The following KCNQ1OT1 variants were observed in gnomAD, a reference collection of about 807,000 sequenced individuals.
KCNQ1OT1 encodes KCNQ1 opposite strand/antisense transcript 1.
exon 1 of KCNQ1OT1, chr11:2,615,291 C>G: frequency 2.5e-6 from 1 of 398,070 alleles, no homozygotes; most frequent in Non-Finnish European, 4.4e-6. Flanking sequence ...ATTAGCTCTA[C>G]TAGTTTGTGG....
Position 2,682,256 on chromosome 11 carries a change from A to C in KCNQ1OT1, n.17739T>G. 2.5e-6 allele frequency: 1 copy of C among 398,544 alleles called. No individual in the cohort carries two copies. 24.7% of individuals were successfully genotyped at this position (398,544 alleles called of 1,614,324 possible). A position where few individuals can be genotyped will look rare whatever the true frequency, so the allele number is the denominator to read the frequency against. On this transcript the variant is annotated non_coding_transcript_exon_variant, in exon 1 of 1. Transcript: ENST00000597346. The surrounding 1 kb of genome is among the most constrained non-coding windows in gnomAD (Gnocchi z 5.8). ...GAAATGTCCCTTCCTCAGAGGAGCC[A>C]ATTTCTAAAGCTTAAGACTGGGCTG...
chr11:2,655,352 C>T, exon 1 of KCNQ1OT1: 1 of 398,654 alleles, frequency 2.5e-6, no homozygotes. Flanking sequence ...ATTAAAGCAT[C>T]AAAAACCAGG....
In KCNQ1OT1 at chr11:2,609,900, T is replaced by A. The variant is rs558277563; in HGVS notation, n.90095A>T. 8.0e-5 allele frequency: 32 copies of A among 398,130 alleles called. No homozygotes were observed. The Admixed American group carries it at 1.4e-3, about 17-fold the overall frequency. The allele number at this position is 398,130 out of a possible 1,614,324, so 24.7% of individuals were successfully genotyped here. On this transcript the variant is annotated non_coding_transcript_exon_variant, in exon 1 of 1. Coordinates refer to ENST00000597346, the Ensembl canonical transcript of KCNQ1OT1. Reference sequence around the variant, plus strand: ...CCATCCTTTTACTTTCAGTTGGCATTTATCATCTAAAGTGTGCCTCATATA... The same window carrying A: ...CCATCCTTTTACTTTCAGTTGGCATATATCATCTAAAGTGTGCCTCATATA...
chr11:2,632,098 G>A (rs1298326744), exon 1 of KCNQ1OT1: 3 of 395,810 alleles, frequency 7.6e-6, no homozygotes, highest in Non-Finnish European at 1.3e-5. Flanking sequence ...CAGGAGAATG[G>A]CGTGAACTCG....
Position 2,651,784 on chromosome 11 carries a change from T to A in KCNQ1OT1, n.48211A>T, listed in dbSNP as rs1458581378. The A allele has an allele frequency of 2.5e-6, 1 of 398,556 alleles. No individual in the cohort carries two copies. The highest frequency in any genetic ancestry group is 4.4e-6 in the Non-Finnish European group (1 of 226,102). 24.7% of individuals were successfully genotyped at this position (398,556 alleles called of 1,614,324 possible). A position where few individuals can be genotyped will look rare whatever the true frequency, so the allele number is the denominator to read the frequency against. On this transcript the variant is annotated non_coding_transcript_exon_variant, in exon 1 of 1. Transcript: ENST00000597346. The surrounding 1 kb of genome is among the most constrained non-coding windows in gnomAD (Gnocchi z 6.1). The stretch of plus-strand genomic sequence containing the variant: ...CTCAAGTGTTGACCATTTTGATTCC[T>A]GGGCCCCTTAAGAGTCCATTAGCAT...
exon 1 of KCNQ1OT1, chr11:2,632,636 A>C (rs1849379572): frequency 2.5e-6 from 1 of 398,392 alleles, no homozygotes; most frequent in Non-Finnish European, 4.4e-6. Context: ...TAGCATATTC[A>C]TCAACTCAAA....
In KCNQ1OT1 at chr11:2,647,509, C is replaced by T. The variant is rs1431949894; in HGVS notation, n.52486G>A. The stretch of plus-strand genomic sequence containing the variant: ...GGTTTTGGTATCAAGATACTGCTTG[C>T]CTCACAGAATGAGTTAGGGAGAATT... On this transcript the variant is annotated non_coding_transcript_exon_variant, in exon 1 of 1. Transcript: ENST00000597346. This position sits in a 1 kb window ranked among gnomAD's most constrained non-coding sequence, Gnocchi z 4.0. 1 of 398,374 alleles carries T rather than the reference C, an allele frequency of 2.5e-6. No individual in the cohort carries two copies. The highest frequency in any genetic ancestry group is 2.1e-5 in the African/African-American group (1 of 48,594). The allele number at this position is 398,374 out of a possible 1,614,324, so 24.7% of individuals were successfully genotyped here.
exon 1 of KCNQ1OT1, chr11:2,693,359 G>A: frequency 2.5e-6 from 1 of 398,722 alleles, no homozygotes; most frequent in Non-Finnish European, 4.4e-6. Flanking sequence ...CTGGGTGGGG[G>A]CCGAGTCTGG....
Position 2,621,206 on chromosome 11 carries a change from G to C in KCNQ1OT1, n.78789C>G, listed in dbSNP as rs1051642637. 4 of 397,556 alleles carry C rather than the reference G, an allele frequency of 1.0e-5. No individual in the cohort carries two copies. The highest frequency in any genetic ancestry group is 8.2e-5 in the African/African-American group (4 of 48,562). 24.6% of individuals were successfully genotyped at this position (397,556 alleles called of 1,614,324 possible). A position where few individuals can be genotyped will look rare whatever the true frequency, so the allele number is the denominator to read the frequency against. On this transcript the variant is annotated non_coding_transcript_exon_variant, in exon 1 of 1. Coordinates refer to ENST00000597346, the Ensembl canonical transcript of KCNQ1OT1. This position sits in a 1 kb window ranked among gnomAD's most constrained non-coding sequence, Gnocchi z 5.7. Reference sequence around the variant, plus strand: ...TTGGCCAGGATGGTCTCGAATACCTGACCCCAGATGATCCACGCACCTCAG... The same window carrying C: ...TTGGCCAGGATGGTCTCGAATACCTCACCCCAGATGATCCACGCACCTCAG...
Position 2,674,351 on chromosome 11 carries a change from C to T in KCNQ1OT1, n.25644G>A. 2.5e-6 allele frequency: 1 copy of T among 397,788 alleles called. No homozygotes were observed. Among genetic ancestry groups the T allele is most frequent in the East Asian group, 3.6e-5 (1 of 27,968 alleles). The allele number at this position is 397,788 out of a possible 1,614,324, so 24.6% of individuals were successfully genotyped here. ...CCTCTGGAAATCTGAATTCCATTCGCTCTTGGCAAAGAGCAGCTTCCTGCT... is the reference window on the plus strand; with the variant it reads ...CCTCTGGAAATCTGAATTCCATTCGTTCTTGGCAAAGAGCAGCTTCCTGCT... On this transcript the variant is annotated non_coding_transcript_exon_variant, in exon 1 of 1. Coordinates refer to ENST00000597346, the Ensembl canonical transcript of KCNQ1OT1. The surrounding 1 kb of genome is among the most constrained non-coding windows in gnomAD (Gnocchi z 5.9).
chr11:2,657,884 G>A lies in KCNQ1OT1; in HGVS notation n.42111C>T, dbSNP rs1469348310. 3 of 398,496 alleles carry A rather than the reference G, an allele frequency of 7.5e-6. No homozygotes were observed. The East Asian group carries it at 1.1e-4, about 14-fold the overall frequency. The allele number at this position is 398,496 out of a possible 1,614,324, so 24.7% of individuals were successfully genotyped here. On this transcript the variant is annotated non_coding_transcript_exon_variant, in exon 1 of 1. Coordinates refer to ENST00000597346, the Ensembl canonical transcript of KCNQ1OT1. The surrounding 1 kb of genome is among the most constrained non-coding windows in gnomAD (Gnocchi z 4.8). ...GGTTTAGGGGAAGGAGGCCAGTGAGGTGAGATGCTTTCCTCATTGTGGAAC... is the reference window on the plus strand; with the variant it reads ...GGTTTAGGGGAAGGAGGCCAGTGAGATGAGATGCTTTCCTCATTGTGGAAC...
chr11:2,623,659 G>C lies in KCNQ1OT1; in HGVS notation n.76336C>G, dbSNP rs1336392469. Reference sequence around the variant, plus strand: ...TGCCTGGATGTACTACAGTTTATCTGTCTACTCACCTATGGAAGGACATCT... The same window carrying C: ...TGCCTGGATGTACTACAGTTTATCTCTCTACTCACCTATGGAAGGACATCT... On this transcript the variant is annotated non_coding_transcript_exon_variant, in exon 1 of 1. Transcript: ENST00000597346. The surrounding 1 kb of genome is among the most constrained non-coding windows in gnomAD (Gnocchi z 5.2). The C allele has an allele frequency of 2.5e-6, 1 of 398,140 alleles. No individual in the cohort carries two copies. The highest frequency in any genetic ancestry group is 2.1e-5 in the African/African-American group (1 of 48,520). The allele number at this position is 398,140 out of a possible 1,614,324, so 24.7% of individuals were successfully genotyped here.
rs1046706994 is a variant in KCNQ1OT1 at position 2,683,750 on chromosome 11, C to T, written n.16245G>A. The T allele has an allele frequency of 3.8e-5, 15 of 398,500 alleles. 1 individual carries two copies. The highest frequency in any genetic ancestry group is 1.3e-4 in the Admixed American group (3 of 22,706). The allele number at this position is 398,500 out of a possible 1,614,324, so 24.7% of individuals were successfully genotyped here. On this transcript the variant is annotated non_coding_transcript_exon_variant, in exon 1 of 1. Coordinates refer to ENST00000597346, the Ensembl canonical transcript of KCNQ1OT1. The surrounding 1 kb of genome is among the most constrained non-coding windows in gnomAD (Gnocchi z 4.7). ...TACCTAGCTTTAGCTCTGAGGCAGC[C>T]CAGATGACATGGGCCTCTAAGGCTG...
chr11:2,677,797 T>C lies in KCNQ1OT1; in HGVS notation n.22198A>G. 1 of 398,596 alleles carries C rather than the reference T, an allele frequency of 2.5e-6. No individual in the cohort carries two copies. The highest frequency in any genetic ancestry group is 4.4e-6 in the Non-Finnish European group (1 of 226,044). 24.7% of individuals were successfully genotyped at this position (398,596 alleles called of 1,614,324 possible). A position where few individuals can be genotyped will look rare whatever the true frequency, so the allele number is the denominator to read the frequency against. ...CCCTTTCCCCCCATTTCCAGCAGGA[T>C]TAAAATGTTCATTTATGTTGTGATA... is the stretch of plus-strand genomic sequence containing the variant. On this transcript the variant is annotated non_coding_transcript_exon_variant, in exon 1 of 1. Coordinates refer to ENST00000597346, the Ensembl canonical transcript of KCNQ1OT1. The surrounding 1 kb of genome is among the most constrained non-coding windows in gnomAD (Gnocchi z 4.5).
Position 2,645,799 on chromosome 11 carries a change from T to C in KCNQ1OT1, n.54196A>G. 2.5e-6 allele frequency: 1 copy of C among 398,416 alleles called. No homozygotes were observed. Among genetic ancestry groups the C allele is most frequent in the Non-Finnish European group, 4.4e-6 (1 of 226,102 alleles). 24.7% of individuals were successfully genotyped at this position (398,416 alleles called of 1,614,324 possible). On this transcript the variant is annotated non_coding_transcript_exon_variant, in exon 1 of 1. Transcript: ENST00000597346. This position sits in a 1 kb window ranked among gnomAD's most constrained non-coding sequence, Gnocchi z 5.8. ...CACAGCAGATGCAGTCTGGTGGGGG[T>C]TGGGCTATCAAAATGGGACTTTCCT... is the stretch of plus-strand genomic sequence containing the variant.
Position 2,626,540 on chromosome 11 carries a change from T to C in KCNQ1OT1, n.73455A>G, listed in dbSNP as rs1849265026. 5 of 398,480 alleles carry C rather than the reference T, an allele frequency of 1.3e-5. No homozygotes were observed. The highest frequency in any genetic ancestry group is 2.2e-5 in the Non-Finnish European group (5 of 226,090). 24.7% of individuals were successfully genotyped at this position (398,480 alleles called of 1,614,324 possible). ...GCTTCGTAATAAGTTGGGGTTTTTG[T>C]TTGTTTTTCAGACATTCTTACTCTG... On this transcript the variant is annotated non_coding_transcript_exon_variant, in exon 1 of 1. Coordinates refer to ENST00000597346, the Ensembl canonical transcript of KCNQ1OT1. The surrounding 1 kb of genome is among the most constrained non-coding windows in gnomAD (Gnocchi z 4.0).
At chr11:2,631,727 G>T (rs1039813688) in exon 1 of KCNQ1OT1, 4 of 398,432 alleles carry the variant, frequency 1.0e-5, no homozygotes, top group Non-Finnish European at 1.3e-5. Context: ...GCCCAGATGA[G>T]GATATAATGG....
chr11:2,672,278 C>T (rs1352750305), exon 1 of KCNQ1OT1: 5 of 398,522 alleles, frequency 1.3e-5, no homozygotes, highest in Non-Finnish European at 2.2e-5. Context: ...CCCCACGAAC[C>T]CCACCAGCTG....
At chr11:2,616,053 A>G (rs2133797142) in exon 1 of KCNQ1OT1, 1 of 398,156 alleles carries the variant, frequency 2.5e-6, no homozygotes, top group Non-Finnish European at 4.4e-6. Flanking sequence ...GGGTCTGCTC[A>G]TAATTTCAAT....
Sources: allele counts gnomAD v4.1 joint callset, GRCh38; gene constraint gnomAD v4.1.1; non-coding constraint Gnocchi (gnomAD v3.1); transcripts MANE v1.5; gene names NCBI Gene and HGNC (gene_info 2026-07-23, HGNC 2026-07-21).